The following ABI3BP variants were observed in gnomAD, a reference collection of about 807,000 sequenced individuals.
ABI3BP encodes target of Nesh-SH3.
ABI3BP carries 216 observed loss-of-function variants against 268.6 expected under a neutral mutation model. The ratio of observed to expected loss-of-function variants is 0.80; its 90% CI spans 0.72 to 0.90. The LOEUF (loss-of-function observed/expected upper bound fraction) is 0.90, where lower values mean the gene tolerates loss of function less well. Ranked by LOEUF, ABI3BP falls within the 40% of genes least tolerant of loss-of-function variation. The probability of loss-of-function intolerance (pLI) is 0.00; values close to 1 mark genes in which losing one functional copy is unlikely to be tolerated. For synonymous variants in ABI3BP, 730 were observed against 730.0 expected, an observed-to-expected ratio of 1.00 and a Z score of 0.00; for missense variants, 2,090 against 2,182.4, an observed-to-expected ratio of 0.96 and a Z score of 0.84.
Position 100,839,592 on chromosome 3 carries a change from G to A in ABI3BP, c.1922C>T (p.Pro641Leu), listed in dbSNP as rs996601450. Residue 641 changes from proline (P) to leucine (L), a missense_variant, in exon 24 of 68, where the codon CCG becomes CTG. Transcript: ENST00000471714. ...KPALEPATIQ[P>L]EPLVPTTASK... ...ACCAGTTGTGGGCACCAAGGGCTCC[G>A]GTTGTATCGTGGCAGGTTCCAGAGC... 2.0e-6 allele frequency: 3 copies of A among 1,535,740 alleles called. No homozygotes were observed. Among genetic ancestry groups the A allele is most frequent in the Non-Finnish European group, 1.7e-6 (2 of 1,146,678 alleles).
At chr3:100,830,138 T>C (rs867153613) in intron 32 of ABI3BP, among the ~76,000 whole-genome samples, 2 of 62,144 alleles carry the variant, frequency 3.2e-5, no homozygotes, top group African/African-American at 4.6e-5. Context: ...TATATATATA[T>C]ATATATATAT....
At chr3:100,972,259 T>G (rs1405994218) in intron 1 of ABI3BP, among the ~76,000 whole-genome samples, 1 of 152,196 alleles carries the variant, frequency 6.6e-6, no homozygotes, top group Non-Finnish European at 1.5e-5. Flanking sequence ...AATCAAATTT[T>G]TATGTGAAAA....
At chr3:100,819,819 C>T (rs756098843) in intron 40 of ABI3BP, among the ~76,000 whole-genome samples, 2 of 151,596 alleles carry the variant, frequency 1.3e-5, no homozygotes, top group African/African-American at 4.8e-5. Context: ...TGTGGTGGCA[C>T]GCGCCTGCAA....
intron 54 of ABI3BP, among the ~76,000 whole-genome samples, chr3:100,794,386 T>G (rs988408786): frequency 1.3e-5 from 2 of 151,908 alleles, no homozygotes; most frequent in Non-Finnish European, 2.9e-5. Flanking sequence ...GTTACATGGT[T>G]TACATTTTAA....
intron 2 of ABI3BP, among the ~76,000 whole-genome samples, chr3:100,915,414 T>C (rs1230420083): frequency 6.6e-6 from 1 of 152,182 alleles, no homozygotes; most frequent in Non-Finnish European, 1.5e-5. Context: ...CGAGGACTGC[T>C]GCCGCCATGC....
intron 1 of ABI3BP, among the ~76,000 whole-genome samples, chr3:100,963,828 T>C (rs1315352300): frequency 2.6e-5 from 4 of 152,192 alleles, no homozygotes; most frequent in Non-Finnish European, 5.9e-5. Flanking sequence ...CATGAAGCCA[T>C]TCACTAACCA....
At chr3:100,853,942 A>G (rs554631569) in intron 14 of ABI3BP, among the ~76,000 whole-genome samples, 143 of 152,344 alleles carry the variant, frequency 9.4e-4, no homozygotes, top group African/African-American at 3.2e-3. Flanking sequence ...TTGGAAATAA[A>G]AAGAGTGCTA....
In ABI3BP at chr3:100,757,608, C is replaced by A. The variant is rs548985854; in HGVS notation, c.4851-2917G>T. Among the ~76,000 whole-genome samples the A allele has an allele frequency of 3.3e-5, 5 of 152,204 alleles. No individual in the cohort carries two copies. In the South Asian group the frequency reaches 8.3e-4, roughly 25 times the overall value. On this transcript the variant is annotated intron_variant, in intron 63 of 67. Transcript: ENST00000471714. ...TATAACTTTTCCTCAAGATTTATTTCTTTAGTGCTACAAAGTAATGGAGTA... is the reference window on the plus strand; with the variant it reads ...TATAACTTTTCCTCAAGATTTATTTATTTAGTGCTACAAAGTAATGGAGTA...
chr3:100,834,553 T>C, intron 29 of ABI3BP, 131 bp downstream of exon 29: 1 of 741,208 alleles, frequency 1.3e-6, no homozygotes, highest in Admixed American at 2.2e-5. Flanking sequence ...ACTGTGTTGG[T>C]AGCAGCTGCT....
intron 4 of ABI3BP, among the ~76,000 whole-genome samples, chr3:100,898,312 G>GA (rs1259572565): frequency 1.3e-5 from 2 of 152,154 alleles, no homozygotes; most frequent in East Asian, 1.9e-4. Flanking sequence ...GTCTGAGGGG[G>GA]ACCTGAGAAT....
chr3:100,971,429 G>A (rs969513809), intron 1 of ABI3BP, among the ~76,000 whole-genome samples: 1 of 152,124 alleles, frequency 6.6e-6, no homozygotes, highest in African/African-American at 2.4e-5. Flanking sequence ...TCAAGAGTAG[G>A]CTAGCAGGAA....
intron 2 of ABI3BP, among the ~76,000 whole-genome samples, chr3:100,903,539 A>G (rs1420442502): frequency 2.6e-5 from 4 of 152,242 alleles, no homozygotes; most frequent in Non-Finnish European, 4.4e-5. Context: ...CCAGAACTTT[A>G]AACTCTGAAA....
chr3:100,889,620 A>G (rs1392832997), intron 4 of ABI3BP, among the ~76,000 whole-genome samples: 1 of 152,184 alleles, frequency 6.6e-6, no homozygotes, highest in Non-Finnish European at 1.5e-5. Context: ...TATGAATGTC[A>G]TCAGACTAGA....
chr3:100,796,409 C>T lies in ABI3BP; in HGVS notation c.3817G>A (p.Val1273Ile). ...CAGAAGGATGAAATAATTAATTTAC[C>T]AGGTTCGCTCTGAGAGACCTCAGGG... is the stretch of plus-strand genomic sequence containing the variant. ...PYPEVSQSEPVLQPVTFRFEP... is the reference protein window; with the variant it reads ...PYPEVSQSEPILQPVTFRFEP... Residue 1273 changes from valine (V) to isoleucine (I), a missense_variant and splice_region_variant, in exon 52 of 68, where the codon GTT becomes ATT. Val to Ile is a conservative substitution (Grantham distance 29). Coordinates refer to ENST00000471714, the MANE Select transcript of ABI3BP (RefSeq NM_001375547.2). 6.4e-7 allele frequency: 1 copy of T among 1,574,430 alleles called. No individual in the cohort carries two copies.
At position 100,894,965 on chromosome 3, in the gene ABI3BP, A is replaced by AAAAAAAAAAAAAAC. The variant is rs760156604; in HGVS notation, c.461+3796_461+3797insGTTTTTTTTTTTTT. 2.4e-4 allele frequency among the ~76,000 whole-genome samples: 29 copies of AAAAAAAAAAAAAAC among 120,846 alleles called. 2 individuals carry two copies. Among genetic ancestry groups the AAAAAAAAAAAAAAC allele is most frequent in the Non-Finnish European group, 3.9e-4 (20 of 51,372 alleles). The allele number at this position is 120,846 out of a possible 152,430, so 79.3% of individuals were successfully genotyped here. A position where few individuals can be genotyped will look rare whatever the true frequency, so the allele number is the denominator to read the frequency against. On this transcript the variant is annotated intron_variant, in intron 4 of 67. Coordinates refer to ENST00000471714, the MANE Select transcript of ABI3BP (RefSeq NM_001375547.2). ...AAAAAAAAAAAAAAAAAAAAAAAAA[A>AAAAAAAAAAAAAAC]AACAGAAAAAAAAAACACAAGATGA...
intron 61 of ABI3BP, 116 bp downstream of exon 61, chr3:100,774,489 C>T (rs2096645112): frequency 1.3e-6 from 1 of 758,968 alleles, no homozygotes; most frequent in African/African-American, 1.8e-5. Flanking sequence ...AAAAATAAAA[C>T]CTTATTATTA....
Position 100,907,796 on chromosome 3 carries a change from C to A in ABI3BP, c.260-5110G>T, listed in dbSNP as rs150530923. On this transcript the variant is annotated intron_variant, in intron 2 of 67. Transcript: ENST00000471714. Reference sequence around the variant, plus strand: ...TACAATAATAAATTATTACCACATACAGTTTATCCCAGGAATGTAACATAA... The same window carrying A: ...TACAATAATAAATTATTACCACATAAAGTTTATCCCAGGAATGTAACATAA... Among the ~76,000 whole-genome samples, 643 of 152,128 alleles carry A rather than the reference C, an allele frequency of 4.2e-3. 3 individuals are homozygous for A. Among genetic ancestry groups the A allele is most frequent in the African/African-American group, 0.014 (596 of 41,494 alleles).
intron 19 of ABI3BP, among the ~76,000 whole-genome samples, chr3:100,846,978 A>G (rs978742901): frequency 6.6e-6 from 1 of 152,220 alleles, no homozygotes; most frequent in Non-Finnish European, 1.5e-5. Context: ...TTTATAAACT[A>G]AAAAGGAAAA....
intron 1 of ABI3BP, among the ~76,000 whole-genome samples, chr3:100,984,919 T>C (rs781325030): frequency 1.3e-5 from 2 of 152,110 alleles, no homozygotes; most frequent in Non-Finnish European, 2.9e-5. Context: ...ATGGTTAGAA[T>C]ATTTTCTGTG....
Sources: allele counts gnomAD v4.1 joint callset (sites outside exome capture counted in the v4.1 genomes callset), GRCh38; gene constraint gnomAD v4.1.1; transcripts MANE v1.5; gene names NCBI Gene and HGNC (gene_info 2026-07-23, HGNC 2026-07-21).